Variants in DPP10 observed in about 807,000 individuals in gnomAD.
DPP10 encodes inactive dipeptidyl peptidase 10.
Under a neutral mutation model 120.9 loss-of-function variants are expected in DPP10, and 33 were observed. The ratio of observed to expected loss-of-function variants is 0.27; its 90% CI spans 0.21 to 0.37. The LOEUF (loss-of-function observed/expected upper bound fraction) is 0.37. DPP10 is among the 10% of genes least tolerant of loss of function. DPP10 has a pLI of 1.00. For synonymous variants in DPP10, 337 were observed against 326.1 expected, an observed-to-expected ratio of 1.03 and a Z score of -0.36; for missense variants, 816 against 942.8, an observed-to-expected ratio of 0.87 and a Z score of 1.76.
intron 1 of DPP10, among the ~76,000 whole-genome samples, chr2:114,912,667 C>G (rs968329074): frequency 6.6e-6 from 1 of 152,056 alleles, no homozygotes; most frequent in Non-Finnish European, 1.5e-5. Context: ...AGCTGAAAAC[C>G]CTGCAAGGGG....
At chr2:115,735,920 T>A (rs764978185) in intron 8 of DPP10, among the ~76,000 whole-genome samples, 3 of 152,050 alleles carry the variant, frequency 2.0e-5, no homozygotes, top group Non-Finnish European at 4.4e-5. Context: ...CTCTCCTGAG[T>A]TCCAAATGTA....
chr2:114,757,421 G>A (rs1205794647), intron 1 of DPP10, among the ~76,000 whole-genome samples: 12 of 148,976 alleles, frequency 8.1e-5, no homozygotes, highest in Non-Finnish European at 1.5e-4. Context: ...AAGGAAGGAA[G>A]GAAAGAAGGA....
At chr2:115,633,928 A>G (rs1253497323) in intron 5 of DPP10, among the ~76,000 whole-genome samples, 1 of 152,072 alleles carries the variant, frequency 6.6e-6, no homozygotes, top group Non-Finnish European at 1.5e-5. Flanking sequence ...CCTATCAGTC[A>G]TAGGTTCAGT....
At chr2:114,550,427 A>G (rs868204164) in intron 1 of DPP10, among the ~76,000 whole-genome samples, 19 of 152,258 alleles carry the variant, frequency 1.2e-4, no homozygotes, top group African/African-American at 4.6e-4. Flanking sequence ...ACTGAGACAC[A>G]GAGAGGTTCA....
chr2:114,675,889 C>T (rs970339167), intron 1 of DPP10, among the ~76,000 whole-genome samples: 1 of 152,014 alleles, frequency 6.6e-6, no homozygotes, highest in Non-Finnish European at 1.5e-5. Flanking sequence ...CAACCTCCAC[C>T]TCCAGGTTCA....
chr2:114,634,705 A>G (rs1381768361), intron 1 of DPP10, among the ~76,000 whole-genome samples: 1 of 151,974 alleles, frequency 6.6e-6, no homozygotes, highest in African/African-American at 2.4e-5. Context: ...GAATAGAGAT[A>G]ACTTAAGCAA....
intron 1 of DPP10, among the ~76,000 whole-genome samples, chr2:115,004,554 G>A (rs1214023663): frequency 5.9e-5 from 9 of 152,160 alleles, no homozygotes; most frequent in Non-Finnish European, 8.8e-5. Context: ...TGCCTCACTC[G>A]GGAAGCGCAA....
At chr2:115,589,521 A>AGTTTTTTTTTTTTTTTTTTTTTTTTT (rs2082495756) in intron 5 of DPP10, among the ~76,000 whole-genome samples, 1 of 152,060 alleles carries the variant, frequency 6.6e-6, no homozygotes, top group African/African-American at 2.4e-5. Flanking sequence ...TGTAGAGAGG[A>AGTTTTTTTTTTTTTTTTTTTTTTTTT]TTTTTTACAA....
At chr2:114,611,904 C>A (rs111956826) in intron 1 of DPP10, among the ~76,000 whole-genome samples, 9 of 152,174 alleles carry the variant, frequency 5.9e-5, no homozygotes, top group South Asian at 2.1e-4. Context: ...AAAATTTACT[C>A]ATCTGTAAAA....
chr2:115,159,153 T>C (rs1056411999), intron 1 of DPP10, among the ~76,000 whole-genome samples: 1 of 152,070 alleles, frequency 6.6e-6, no homozygotes, highest in Non-Finnish European at 1.5e-5. Flanking sequence ...ACATTTTAAT[T>C]TTACCAGGTA....
chr2:115,126,600 A>G (rs2050095670), intron 1 of DPP10, among the ~76,000 whole-genome samples: 1 of 152,250 alleles, frequency 6.6e-6, no homozygotes, highest in Non-Finnish European at 1.5e-5. Flanking sequence ...CAGGTTTTAC[A>G]TGAAATATAT....
chr2:114,896,391 C>T (rs575152606), intron 1 of DPP10, among the ~76,000 whole-genome samples: 104 of 152,034 alleles, frequency 6.8e-4, no homozygotes, highest in African/African-American at 2.2e-3. Context: ...CCATTTTTTT[C>T]GTATCCTCTT....
chr2:115,818,986 T>C (rs1687541146), intron 21 of DPP10, among the ~76,000 whole-genome samples: 1 of 152,198 alleles, frequency 6.6e-6, no homozygotes, highest in South Asian at 2.1e-4. Context: ...TTTCTCACCA[T>C]GTAAAATACA....
intron 1 of DPP10, among the ~76,000 whole-genome samples, chr2:114,680,854 C>G (rs142786044): frequency 3.9e-5 from 6 of 151,982 alleles, no homozygotes; most frequent in Admixed American, 3.9e-4. Flanking sequence ...GTGACTAATA[C>G]GTGGTCCCAT....
intron 5 of DPP10, among the ~76,000 whole-genome samples, chr2:115,546,013 C>CA (rs1320412445): frequency 5.9e-5 from 9 of 152,006 alleles, no homozygotes; most frequent in African/African-American, 1.7e-4. Flanking sequence ...TGAGAATGGA[C>CA]AAAAAAGGCA....
intron 1 of DPP10, among the ~76,000 whole-genome samples, chr2:114,899,211 T>C (rs1207675375): frequency 1.3e-5 from 2 of 152,000 alleles, no homozygotes; most frequent in Non-Finnish European, 2.9e-5. Context: ...TGCATGCATG[T>C]ATTTTACAGC....
At chr2:115,345,375 C>CA (rs768158346) in intron 3 of DPP10, among the ~76,000 whole-genome samples, 4 of 152,054 alleles carry the variant, frequency 2.6e-5, no homozygotes, top group Non-Finnish European at 5.9e-5. Flanking sequence ...TATATTATCA[C>CA]AAAAAATTGT....
At chr2:114,756,147 T>G (rs1679724225) in intron 1 of DPP10, among the ~76,000 whole-genome samples, 2 of 152,208 alleles carry the variant, frequency 1.3e-5, no homozygotes, top group African/African-American at 2.4e-5. Flanking sequence ...AGATGATATG[T>G]AAAATGCTTA....
intron 1 of DPP10, among the ~76,000 whole-genome samples, chr2:114,834,738 C>T (rs1687525749): frequency 7.3e-6 from 1 of 136,776 alleles, no homozygotes; most frequent in Non-Finnish European, 1.6e-5. Flanking sequence ...TGTCTACGCA[C>T]CTATGTATAT....
Sources: allele counts gnomAD v4.1 joint callset (sites outside exome capture counted in the v4.1 genomes callset), GRCh38; gene constraint gnomAD v4.1.1; transcripts MANE v1.5; gene names NCBI Gene and HGNC (gene_info 2026-07-23, HGNC 2026-07-21).